PARVA: variants seen among roughly 807,000 people sequenced by gnomAD.
The protein encoded by PARVA is alpha-parvin.
Under a neutral mutation model 52.6 loss-of-function variants are expected in PARVA, and 25 were observed. That is an observed-to-expected ratio of 0.48 (90% CI 0.35 to 0.66). PARVA has a LOEUF of 0.66. PARVA is among the 30% of genes least tolerant of loss of function. The probability of loss-of-function intolerance (pLI) is 0.01; values close to 1 mark genes in which losing one functional copy is unlikely to be tolerated. For missense variants in PARVA, 373 were observed against 450.9 expected (o/e 0.83, Z 1.56); for synonymous variants, 185 against 179.1 (o/e 1.03, Z -0.26).
At chr11:12,461,138 G>C (rs913402535) in intron 1 of PARVA, among the ~76,000 whole-genome samples, 1 of 152,194 alleles carries the variant, frequency 6.6e-6, no homozygotes, top group African/African-American at 2.4e-5. Context: ...GAACCAACTA[G>C]CTCTGGAAGG....
intron 1 of PARVA, among the ~76,000 whole-genome samples, chr11:12,428,273 C>A (rs1361628169): frequency 6.6e-6 from 1 of 152,074 alleles, no homozygotes; most frequent in Non-Finnish European, 1.5e-5. Flanking sequence ...ATATCGTGTG[C>A]AGGCCACTTC....
intron 1 of PARVA, among the ~76,000 whole-genome samples, chr11:12,439,388 G>A (rs528364717): frequency 3.9e-5 from 6 of 152,344 alleles, no homozygotes; most frequent in Non-Finnish European, 7.3e-5. Context: ...ATTACCTCCT[G>A]TGGACTCTGC....
chr11:12,423,731 A>G (rs574516137), intron 1 of PARVA, among the ~76,000 whole-genome samples: 5 of 152,220 alleles, frequency 3.3e-5, no homozygotes, highest in African/African-American at 1.2e-4. Context: ...TCCGACATCT[A>G]TTGTCGTGAT....
rs1000848593 is a variant in PARVA at position 12,532,678 on chromosome 11, C to A, written c.*4753C>A. Among the ~76,000 whole-genome samples the A allele has an allele frequency of 6.6e-6, 1 of 152,170 alleles. No individual in the cohort carries two copies. The highest frequency in any genetic ancestry group is 6.5e-5 in the Admixed American group (1 of 15,278). On this transcript the variant is annotated 3_prime_UTR_variant, in exon 13 of 13. Transcript: ENST00000334956. ...ATGTAGATTTAAGGTCATGAGAAGTCTCCGGCAAAGTGGCATTTTAAAGTA... is the reference window on the plus strand; with the variant it reads ...ATGTAGATTTAAGGTCATGAGAAGTATCCGGCAAAGTGGCATTTTAAAGTA...
chr11:12,390,132 G>A (rs1208608686), intron 1 of PARVA, among the ~76,000 whole-genome samples: 1 of 152,208 alleles, frequency 6.6e-6, no homozygotes, highest in Non-Finnish European at 1.5e-5. Context: ...CCCAGGTGGA[G>A]CAGACTCTGT....
chr11:12,484,538 TG>T (rs1941132926), intron 4 of PARVA, among the ~76,000 whole-genome samples: 1 of 138,404 alleles, frequency 7.2e-6, no homozygotes, highest in Non-Finnish European at 1.6e-5. Flanking sequence ...TGTGTGTGTG[TG>T]TGTGTGTGTG....
intron 12 of PARVA, among the ~76,000 whole-genome samples, chr11:12,526,168 T>C (rs1941698517): frequency 6.6e-6 from 1 of 152,216 alleles, no homozygotes; most frequent in African/African-American, 2.4e-5. Context: ...TTCACTGCTA[T>C]ATAATTCATT....
At chr11:12,502,624 C>T (rs147973963) in intron 5 of PARVA, among the ~76,000 whole-genome samples, 2 of 151,788 alleles carry the variant, frequency 1.3e-5, no homozygotes, top group Non-Finnish European at 2.9e-5. Context: ...CTGTTGTGTT[C>T]CAGGAGCATC....
rs569328567 is a variant in PARVA at position 12,474,153 on chromosome 11, G to A, written c.297+170G>A. On this transcript the variant is annotated intron_variant, in intron 3 of 12. Transcript: ENST00000334956. ...GCAGATGGCCATCGAAAACGTAACC[G>A]ATTGTTTAAGTGTGGGATGTGACAA... Among the ~76,000 whole-genome samples, 74 of 152,188 alleles carry A rather than the reference G, an allele frequency of 4.9e-4. No homozygotes were observed. The South Asian group carries it at 5.8e-3, about 12-fold the overall frequency.
rs1256386911 is a variant in PARVA, at chr11:12,530,883, A to C, written c.*2958A>C. The stretch of plus-strand genomic sequence containing the variant: ...AAAAAAGCCCTAGCCGAAGGAGGAA[A>C]GGCTGCCTAGACAATGATTTCAAAA... On this transcript the variant is annotated 3_prime_UTR_variant, in exon 13 of 13. Coordinates refer to ENST00000334956, the MANE Select transcript of PARVA (RefSeq NM_018222.5). 1 of 152,178 alleles carries C rather than the reference A, an allele frequency of 6.6e-6. No homozygotes were observed. Among genetic ancestry groups the C allele is most frequent in the African/African-American group, 2.4e-5 (1 of 41,436 alleles). The allele number at this position is 152,178 out of a possible 1,614,324, so 9.4% of individuals were successfully genotyped here. A position where few individuals can be genotyped will look rare whatever the true frequency, so the allele number is the denominator to read the frequency against.
chr11:12,416,690 A>G (rs1940071805), intron 1 of PARVA, among the ~76,000 whole-genome samples: 2 of 151,896 alleles, frequency 1.3e-5, no homozygotes, highest in African/African-American at 4.8e-5. Context: ...AAGGAGAACA[A>G]TTTTACAAAG....
At chr11:12,475,825 GGTAT>G (rs1941005535) in intron 3 of PARVA, among the ~76,000 whole-genome samples, 1 of 152,180 alleles carries the variant, frequency 6.6e-6, no homozygotes, top group Non-Finnish European at 1.5e-5. Context: ...GTGCATGTTG[GGTAT>G]CTGGCCTTTC....
intron 1 of PARVA, among the ~76,000 whole-genome samples, chr11:12,419,076 T>A (rs538539916): frequency 3.4e-4 from 52 of 152,350 alleles, no homozygotes; most frequent in South Asian, 1.0e-3. Context: ...GCTGCTTTTT[T>A]AAAATTTTTT....
chr11:12,415,067 A>AT (rs1267001115), intron 1 of PARVA, among the ~76,000 whole-genome samples: 2 of 152,322 alleles, frequency 1.3e-5, no homozygotes, highest in East Asian at 3.9e-4. Context: ...TTTCCATCCC[A>AT]TCCCAACACC....
intron 1 of PARVA, 79 bp downstream of exon 1, chr11:12,377,862 C>CG: frequency 9.6e-7 from 1 of 1,040,000 alleles, no homozygotes; most frequent in Non-Finnish European, 1.2e-6. Context: ...GCACTGGGAC[C>CG]GGGCGGGAGC....
At chr11:12,402,101 G>C in intron 1 of PARVA, among the ~76,000 whole-genome samples, 1 of 152,214 alleles carries the variant, frequency 6.6e-6, no homozygotes, top group East Asian at 1.9e-4. Context: ...ATTGAAGAGA[G>C]TAGTGGAGGG....
chr11:12,509,616 A>G (rs1941481483), intron 7 of PARVA, among the ~76,000 whole-genome samples: 1 of 152,208 alleles, frequency 6.6e-6, no homozygotes, highest in Non-Finnish European at 1.5e-5. Flanking sequence ...CATTGTGTAC[A>G]TGGCTTAACA....
At chr11:12,424,014 T>A (rs1311166533) in intron 1 of PARVA, among the ~76,000 whole-genome samples, 1 of 152,242 alleles carries the variant, frequency 6.6e-6, no homozygotes, top group Non-Finnish European at 1.5e-5. Flanking sequence ...GTTATTATGT[T>A]AATCTATTTT....
intron 1 of PARVA, among the ~76,000 whole-genome samples, chr11:12,422,520 T>C (rs951368827): frequency 2.6e-5 from 4 of 152,236 alleles, no homozygotes; most frequent in African/African-American, 9.6e-5. Context: ...GTGTTTCTTA[T>C]TGTGTTCAAG....
Sources: allele counts gnomAD v4.1 joint callset (sites outside exome capture counted in the v4.1 genomes callset), GRCh38; gene constraint gnomAD v4.1.1; transcripts MANE v1.5; gene names NCBI Gene and HGNC (gene_info 2026-07-23, HGNC 2026-07-21).